The following RNF207 variants were observed in gnomAD, a reference collection of about 807,000 sequenced individuals.
The protein encoded by RNF207 is OTTHUMG00000001089.
A neutral mutation model predicts 79.0 loss-of-function variants in RNF207; 72 were observed. That is an observed-to-expected ratio of 0.91 (90% confidence interval 0.75 to 1.11). RNF207 has a LOEUF of 1.11. Ranked by LOEUF, RNF207 falls within the 50% of genes least tolerant of loss-of-function variation. The pLI, the probability that RNF207 is intolerant of heterozygous loss-of-function variation, is 0.00. For synonymous variants in RNF207, 348 were observed against 366.2 expected (o/e 0.95, Z 0.57); for missense variants, 936 against 855.8 (o/e 1.09, Z -1.17).
At position 6,209,362 on chromosome 1, in the gene RNF207, C is replaced by A. The variant is rs1390540065; in HGVS notation, c.627+19C>A. On this transcript the variant is annotated intron_variant, in intron 6 of 17. Transcript: ENST00000377939. ...GGTGCTGGTGAGCGCAGGGGCCTGG[C>A]GCGCGGGGCCGCGCGGCGGCGATCG... The A allele has an allele frequency of 2.0e-6, 3 of 1,528,814 alleles. No individual in the cohort carries two copies. The highest frequency in any genetic ancestry group is 2.5e-5 in the East Asian group (1 of 40,094). 94.7% of individuals were successfully genotyped at this position (1,528,814 alleles called of 1,614,324 possible).
rs373586290 is a variant in RNF207 at position 6,211,048 on chromosome 1, G to A, written c.1039G>A (p.Ala347Thr). 1.9e-4 allele frequency: 302 copies of A among 1,608,994 alleles called. No homozygotes were observed. The highest frequency in any genetic ancestry group is 2.3e-4 in the Non-Finnish European group (277 of 1,179,260). The change falls in exon 12 of 18, where the codon GCG becomes ACG. Residue 347 changes from alanine to threonine, a missense_variant. Coordinates refer to ENST00000377939, the MANE Select transcript of RNF207 (RefSeq NM_207396.3). This position sits in a 1 kb window ranked among gnomAD's most constrained non-coding sequence, Gnocchi z 4.2. ...KIASDHRAEF[A>T]RCLEPLLLLG... ...TGCCAGTGACCACCGAGCTGAATTC[G>A]CGCGCTGTCTGGAGCCACTGCTGCT... is the stretch of plus-strand genomic sequence containing the variant.
chr1:6,211,246 G>T lies in RNF207; in HGVS notation c.1109+128G>T. 3.1e-6 allele frequency: 2 copies of T among 655,688 alleles called. No homozygotes were observed. Among genetic ancestry groups the T allele is most frequent in the East Asian group, 2.7e-5 (1 of 36,444 alleles). 40.6% of individuals were successfully genotyped at this position (655,688 alleles called of 1,614,324 possible). On this transcript the variant is annotated intron_variant, in intron 12 of 17. Transcript: ENST00000377939. The surrounding 1 kb of genome is among the most constrained non-coding windows in gnomAD (Gnocchi z 4.2). ...CCATTCCTTCCTCCGTCCTTAGCTC[G>T]CCACCCTCCCAGCAGGGTGTCTGGG...
chr1:6,218,470 T>G, intron 17 of RNF207, 101 bp downstream of exon 17: 3 of 857,284 alleles, frequency 3.5e-6, no homozygotes, highest in Non-Finnish European at 5.6e-6. Flanking sequence ...TGGCGCCAGC[T>G]CTGGGGCCCT....
chr1:6,210,340 C>T, intron 9 of RNF207, 30 bp from the exon 10 acceptor site: 1 of 1,612,968 alleles, frequency 6.2e-7, no homozygotes, highest in African/African-American at 1.3e-5. Context: ...TCCTCCCCGG[C>T]CAGGCACTGA....
intron 7 of RNF207, 34 bp from the exon 8 acceptor site, chr1:6,209,890 C>T (rs1236093039): frequency 1.6e-5 from 25 of 1,558,284 alleles, no homozygotes; most frequent in Non-Finnish European, 2.0e-5. Flanking sequence ...AGGGCTGGGG[C>T]GCAAATCAAG....
In RNF207 at chr1:6,209,534, A is replaced by G; in HGVS notation, c.748A>G (p.Met250Val). The G allele has an allele frequency of 6.8e-7, 1 of 1,462,752 alleles. No homozygotes were observed. Among genetic ancestry groups the G allele is most frequent in the Non-Finnish European group, 9.0e-7 (1 of 1,115,440 alleles). The allele number at this position is 1,462,752 out of a possible 1,614,324, so 90.6% of individuals were successfully genotyped here. Residue 250 changes from methionine (M) to valine (V), a missense_variant, in exon 7 of 18, where the codon ATG (methionine) becomes GTG (valine). Coordinates refer to ENST00000377939, the MANE Select transcript of RNF207 (RefSeq NM_207396.3). ...CGCTATCCACGCCCTCTTCGGCAGC[A>G]TGCAGGTGAGGGGTGGGGGTTGGGG... ...EDAIHALFGS[M>V]QDRLAERKAL...
intron 17 of RNF207, among the ~76,000 whole-genome samples, chr1:6,219,011 G>A (rs1223793024): frequency 2.0e-5 from 3 of 152,088 alleles, no homozygotes; most frequent in East Asian, 1.9e-4. Context: ...ACCAGAAACC[G>A]CTGACACAGG....
intron 8 of RNF207, 120 bp downstream of exon 8, chr1:6,210,090 A>G (rs1668097165): frequency 7.7e-7 from 1 of 1,299,242 alleles, no homozygotes; most frequent in Non-Finnish European, 1.1e-6. Flanking sequence ...CCTCCCAGCT[A>G]AGGAGGGCAG....
Position 6,207,228 on chromosome 1 carries a change from C to A in RNF207, c.192-151C>A. On this transcript the variant is annotated intron_variant, in intron 2 of 17. Transcript: ENST00000377939. This position sits in a 1 kb window ranked among gnomAD's most constrained non-coding sequence, Gnocchi z 4.5. ...GGTAGGGACCAGGGCAGGGTGAGTG[C>A]TGGCTGTGATATTTATAGCAGACCC... The A allele has an allele frequency of 1.3e-6, 1 of 755,124 alleles. No individual in the cohort carries two copies. Among genetic ancestry groups the A allele is most frequent in the Non-Finnish European group, 2.0e-6 (1 of 493,740 alleles). 46.8% of individuals were successfully genotyped at this position (755,124 alleles called of 1,614,324 possible).
rs1227804467 is a variant in RNF207, at chr1:6,218,303, T to C, written c.1667T>C (p.Val556Ala). 1.2e-6 allele frequency: 2 copies of C among 1,613,934 alleles called. No individual in the cohort carries two copies. Among genetic ancestry groups the C allele is most frequent in the Non-Finnish European group, 1.7e-6 (2 of 1,179,818 alleles). Residue 556 changes from valine to alanine, a missense_variant, in exon 17 of 18, where the codon GTG becomes GCG. Coordinates refer to ENST00000377939, the MANE Select transcript of RNF207 (RefSeq NM_207396.3). ...TCCCTTGCCAGGTTTCAGGCACCCG[T>C]GGATGAGCAGTCAGAGAGTCTACAG... ...ERLEPRFQAP[V>A]DEQSESLQNT...
Position 6,210,455 on chromosome 1 carries a change from C to A in RNF207, c.942+17C>A, listed in dbSNP as rs779920329. On this transcript the variant is annotated intron_variant, in intron 10 of 17. Coordinates refer to ENST00000377939, the MANE Select transcript of RNF207 (RefSeq NM_207396.3). ...CTGGGCTATGTGAGTCTCCTCTGCT[C>A]CTGCAGATGCCCCCTCCCCACCAGG... The A allele has an allele frequency of 6.3e-7, 1 of 1,598,158 alleles. No individual in the cohort carries two copies. Among genetic ancestry groups the A allele is most frequent in the South Asian group, 1.1e-5 (1 of 90,460 alleles).
In RNF207 at chr1:6,210,957, G is replaced by T; in HGVS notation, c.1011+19G>T. On this transcript the variant is annotated intron_variant, in intron 11 of 17. Coordinates refer to ENST00000377939, the MANE Select transcript of RNF207 (RefSeq NM_207396.3). ...CAGCAAGGTGTGCAGTGGCCTGGGTGGGCCAGGGTCGGGGGCCCTGCAGGG... is the reference window on the plus strand; with the variant it reads ...CAGCAAGGTGTGCAGTGGCCTGGGTTGGCCAGGGTCGGGGGCCCTGCAGGG... 1 of 1,601,124 alleles carries T rather than the reference G, an allele frequency of 6.2e-7. No individual in the cohort carries two copies. The highest frequency in any genetic ancestry group is 8.5e-7 in the Non-Finnish European group (1 of 1,174,216).
At chr1:6,209,389 G>C in intron 6 of RNF207, 25 bp from the exon 7 acceptor site, 1 of 1,524,798 alleles carries the variant, frequency 6.6e-7, no homozygotes, top group Non-Finnish European at 8.8e-7. Flanking sequence ...CGGCGATCGC[G>C]AGCCTGACCA....
chr1:6,212,363 C>A lies in RNF207; in HGVS notation c.1429C>A (p.Gln477Lys). 2.5e-6 allele frequency: 4 copies of A among 1,613,710 alleles called. No homozygotes were observed. Among genetic ancestry groups the A allele is most frequent in the Non-Finnish European group, 3.4e-6 (4 of 1,179,888 alleles). The change falls in exon 14 of 18, where the codon CAG becomes AAG. Residue 477 changes from glutamine to lysine, a missense_variant. By Grantham distance (53) the Gln-to-Lys change is moderately conservative. Coordinates refer to ENST00000377939, the MANE Select transcript of RNF207 (RefSeq NM_207396.3). Reference protein sequence around the residue: ...VLHKSLQLDVQIASEHASLEG... With the variant: ...VLHKSLQLDVKIASEHASLEG... ...GCACAAGTCCCTGCAACTGGACGTG[C>A]AGATCGCCTCGGAGCACGCCTCCTT...
chr1:6,215,065 G>A (rs1668316528), intron 16 of RNF207, among the ~76,000 whole-genome samples: 1 of 132,306 alleles, frequency 7.6e-6, no homozygotes, highest in South Asian at 2.4e-4. Flanking sequence ...TTTCACTCTT[G>A]TTGCCCAGGC....
chr1:6,209,267 G>C lies in RNF207; in HGVS notation c.552-1G>C. 3 of 1,549,288 alleles carry C rather than the reference G, an allele frequency of 1.9e-6. No homozygotes were observed. Among genetic ancestry groups the C allele is most frequent in the Non-Finnish European group, 1.7e-6 (2 of 1,146,660 alleles). ...CGGGCCTCACCCGCCGCCTTCTGCA[G>C]GGAGAGCCGGGCACACTGCGTGGAC... On this transcript the variant is annotated splice_acceptor_variant, in intron 5 of 17. Transcript: ENST00000377939. LOFTEE classifies it high-confidence loss of function.
At chr1:6,219,107 C>T in intron 17 of RNF207, 129 bp from the exon 18 acceptor site, 1 of 738,554 alleles carries the variant, frequency 1.4e-6, no homozygotes, top group South Asian at 2.6e-5. Flanking sequence ...CAGAGCCTTC[C>T]TGGTTCTCAC....
chr1:6,210,538 C>T, intron 10 of RNF207, 100 bp downstream of exon 10: 2 of 913,588 alleles, frequency 2.2e-6, no homozygotes, highest in Non-Finnish European at 3.4e-6. Context: ...TCACCTGGAG[C>T]CTGGACCAGG....
intron 17 of RNF207, 151 bp downstream of exon 17, chr1:6,218,520 T>C: frequency 1.6e-6 from 1 of 610,686 alleles, no homozygotes; most frequent in Non-Finnish European, 2.9e-6. Flanking sequence ...AGAGAGGCTC[T>C]CAGCCCAGAT....
Sources: allele counts gnomAD v4.1 joint callset (sites outside exome capture counted in the v4.1 genomes callset), GRCh38; gene constraint gnomAD v4.1.1; non-coding constraint Gnocchi (gnomAD v3.1); transcripts MANE v1.5; gene names NCBI Gene and HGNC (gene_info 2026-07-23, HGNC 2026-07-21).